IL1RAPL2: variants seen among roughly 807,000 people sequenced by gnomAD.
The protein encoded by IL1RAPL2 is X-linked interleukin-1 receptor accessory protein-like 2.
A neutral mutation model predicts 44.1 loss-of-function variants in IL1RAPL2; 3 were observed. That is an observed-to-expected ratio of 0.07 (90% confidence interval 0.03 to 0.18). The LOEUF (loss-of-function observed/expected upper bound fraction) is 0.18, where lower values mean the gene tolerates loss of function less well. Ranked by LOEUF, IL1RAPL2 falls within the 10% of genes least tolerant of loss-of-function variation. The probability of loss-of-function intolerance (pLI) is 1.00; values close to 1 mark genes in which losing one functional copy is unlikely to be tolerated. For missense variants in IL1RAPL2, 391 were observed against 496.4 expected, an observed-to-expected ratio of 0.79 and a Z score of 2.02; for synonymous variants, 181 against 178.8, an observed-to-expected ratio of 1.01 and a Z score of -0.10.
chrX:105,097,484 G>T (rs1339617906), intron 2 of IL1RAPL2, among the ~76,000 whole-genome samples: 2 of 110,817 alleles, frequency 1.8e-5, no homozygotes, highest in Non-Finnish European at 3.8e-5. Flanking sequence ...ACAGAAAAGA[G>T]TACTGTGGTT....
chrX:104,947,590 T>C (rs1925419536), intron 2 of IL1RAPL2, among the ~76,000 whole-genome samples: 1 of 104,677 alleles, frequency 9.6e-6, no homozygotes, highest in Admixed American at 1.1e-4. Context: ...AATTGATTTT[T>C]GTATAAGGTG....
intron 2 of IL1RAPL2, among the ~76,000 whole-genome samples, chrX:104,808,699 G>A (rs1333158900): frequency 8.9e-6 from 1 of 111,973 alleles, no homozygotes; most frequent in Non-Finnish European, 1.9e-5. Flanking sequence ...CAATCTTGCG[G>A]GAGATGGGGG....
At chrX:104,999,730 G>C (rs1297864931) in intron 2 of IL1RAPL2, among the ~76,000 whole-genome samples, 2 of 111,232 alleles carry the variant, frequency 1.8e-5, no homozygotes, top group African/African-American at 3.3e-5. Context: ...TATGCATACT[G>C]TGACTACATG....
chrX:104,874,085 G>A (rs762661022), intron 2 of IL1RAPL2, among the ~76,000 whole-genome samples: 26 of 107,691 alleles, frequency 2.4e-4, no homozygotes, highest in Non-Finnish European at 3.9e-4. Flanking sequence ...GTGAATAGCC[G>A]TGTTAATCTT....
At chrX:104,927,322 A>T (rs1421808302) in intron 2 of IL1RAPL2, among the ~76,000 whole-genome samples, 1 of 111,188 alleles carries the variant, frequency 9.0e-6, no homozygotes, top group African/African-American at 3.3e-5. Context: ...CTTTTTTTCA[A>T]TTATAGGATT....
At chrX:104,618,964 C>T (rs942214139) in intron 1 of IL1RAPL2, among the ~76,000 whole-genome samples, 1 of 111,871 alleles carries the variant, frequency 8.9e-6, no homozygotes, top group Admixed American at 9.4e-5. Flanking sequence ...CTGGAGCACC[C>T]AGCAATGGCA....
chrX:105,248,113 AT>A (rs932169140), intron 4 of IL1RAPL2, among the ~76,000 whole-genome samples: 27 of 110,308 alleles, frequency 2.4e-4, no homozygotes, highest in Admixed American at 9.8e-4. Flanking sequence ...ATATTTATGC[AT>A]TTTTTTTCTA....
At chrX:104,825,199 G>T (rs1311815582) in intron 2 of IL1RAPL2, among the ~76,000 whole-genome samples, 2 of 111,553 alleles carry the variant, frequency 1.8e-5, no homozygotes, top group Non-Finnish European at 3.8e-5. Flanking sequence ...GTTCCTAGAT[G>T]CTAAAGGGTT....
chrX:104,582,685 T>C (rs1205746663), intron 1 of IL1RAPL2, among the ~76,000 whole-genome samples: 2 of 99,277 alleles, frequency 2.0e-5, no homozygotes, highest in African/African-American at 7.4e-5. Context: ...TCTCTTTCTT[T>C]CTTTCTTTCT....
At chrX:104,908,061 C>T (rs1402093668) in intron 2 of IL1RAPL2, among the ~76,000 whole-genome samples, 1 of 110,447 alleles carries the variant, frequency 9.1e-6, no homozygotes, top group African/African-American at 3.3e-5. Flanking sequence ...TATGTAATGG[C>T]CTTCTTTGTC....
chrX:105,493,153 T>G (rs2036333026), intron 6 of IL1RAPL2, among the ~76,000 whole-genome samples: 1 of 112,354 alleles, frequency 8.9e-6, no homozygotes, highest in Admixed American at 9.4e-5. Flanking sequence ...CACATTTTAT[T>G]TATTCATTAG....
chrX:104,905,279 T>C (rs1923953455), intron 2 of IL1RAPL2, among the ~76,000 whole-genome samples: 1 of 112,028 alleles, frequency 8.9e-6, no homozygotes, highest in Non-Finnish European at 1.9e-5. Context: ...TGGTAGTTTC[T>C]TTTGCTGTGC....
At chrX:105,542,895 G>T (rs1412672165) in intron 6 of IL1RAPL2, among the ~76,000 whole-genome samples, 3 of 109,745 alleles carry the variant, frequency 2.7e-5, no homozygotes, top group Non-Finnish European at 5.7e-5. Flanking sequence ...AGCATAGAGT[G>T]AGTAGAGAAC....
chrX:105,657,320 A>C (rs2037683736), intron 6 of IL1RAPL2, among the ~76,000 whole-genome samples: 1 of 112,100 alleles, frequency 8.9e-6, no homozygotes, highest in African/African-American at 3.2e-5. Context: ...AGCCATTTCC[A>C]TCAGTTGGTA....
At chrX:105,123,167 A>T (rs1212782636) in intron 2 of IL1RAPL2, among the ~76,000 whole-genome samples, 1 of 111,262 alleles carries the variant, frequency 9.0e-6, no homozygotes, top group Non-Finnish European at 1.9e-5. Flanking sequence ...AGGTATTTAT[A>T]TCCCAGTGGA....
chrX:104,731,913 A>C (rs903377547), intron 2 of IL1RAPL2, among the ~76,000 whole-genome samples: 3 of 112,084 alleles, frequency 2.7e-5, no homozygotes, highest in East Asian at 2.8e-4. Flanking sequence ...CTAAAAATTG[A>C]CTGTGTACTA....
chrX:104,830,241 C>T (rs962292230), intron 2 of IL1RAPL2, among the ~76,000 whole-genome samples: 1 of 111,311 alleles, frequency 9.0e-6, no homozygotes, highest in Non-Finnish European at 1.9e-5. Flanking sequence ...TTTTATTCAG[C>T]TAATTCATGG....
At chrX:105,199,686 C>T (rs1222413782) in intron 3 of IL1RAPL2, among the ~76,000 whole-genome samples, 1 of 111,589 alleles carries the variant, frequency 9.0e-6, no homozygotes, top group Non-Finnish European at 1.9e-5. Context: ...GTCAGAGGTT[C>T]TCAACTCACA....
intron 2 of IL1RAPL2, among the ~76,000 whole-genome samples, chrX:104,881,827 C>T (rs1298698260): frequency 8.9e-6 from 1 of 111,792 alleles, no homozygotes; most frequent in South Asian, 3.7e-4. Flanking sequence ...TTCTGGAAAG[C>T]TTGTAATATA....
Sources: allele counts gnomAD v4.1 joint callset (sites outside exome capture counted in the v4.1 genomes callset), GRCh38; gene constraint gnomAD v4.1.1; transcripts MANE v1.5; gene names NCBI Gene and HGNC (gene_info 2026-07-23, HGNC 2026-07-21).